The following ANKS1B variants were observed in gnomAD, a reference collection of about 807,000 sequenced individuals.
ANKS1B encodes the protein ankyrin repeat and sterile alpha motif domain-containing protein 1B.
ANKS1B carries 36 observed loss-of-function variants against 148.3 expected under a neutral mutation model. The observed-to-expected ratio is 0.24, with a 90% confidence interval of 0.19 to 0.32. The LOEUF is 0.32. Ranked by LOEUF, ANKS1B falls within the 10% of genes least tolerant of loss-of-function variation. The pLI, the probability that ANKS1B is intolerant of heterozygous loss-of-function variation, is 1.00. For synonymous variants in ANKS1B, 542 were observed against 560.8 expected, an observed-to-expected ratio of 0.97 and a Z score of 0.47; for missense variants, 1,157 against 1,542.6, an observed-to-expected ratio of 0.75 and a Z score of 4.19.
At chr12:99,384,254 C>A (rs1455142278) in intron 12 of ANKS1B, among the ~76,000 whole-genome samples, 4 of 152,160 alleles carry the variant, frequency 2.6e-5, no homozygotes, top group African/African-American at 9.7e-5. Flanking sequence ...CTAGTCCAGG[C>A]TCTTCCACTA....
intron 4 of ANKS1B, among the ~76,000 whole-genome samples, chr12:99,785,695 AG>A (rs1333587128): frequency 6.6e-6 from 1 of 152,174 alleles, no homozygotes; most frequent in Non-Finnish European, 1.5e-5. Flanking sequence ...AGCCTCCCAA[AG>A]TGCTGGGATC....
chr12:99,818,614 C>G (rs930943739), intron 2 of ANKS1B, among the ~76,000 whole-genome samples: 3 of 151,466 alleles, frequency 2.0e-5, no homozygotes, highest in African/African-American at 7.3e-5. Flanking sequence ...AATCCTAAAG[C>G]AAATGTGGTT....
intron 1 of ANKS1B, among the ~76,000 whole-genome samples, chr12:99,920,470 A>C (rs2094317342): frequency 6.6e-6 from 1 of 152,082 alleles, no homozygotes; most frequent in Non-Finnish European, 1.5e-5. Flanking sequence ...TGAATTAGTC[A>C]AGGTTCTCCA....
chr12:99,134,219 CT>C (rs1231541256), intron 15 of ANKS1B, among the ~76,000 whole-genome samples: 1 of 152,054 alleles, frequency 6.6e-6, no homozygotes, highest in Non-Finnish European at 1.5e-5. Flanking sequence ...ATTGGTTTAT[CT>C]TTTTTCTCCT....
At chr12:98,871,626 C>T (rs2099669511) in intron 17 of ANKS1B, among the ~76,000 whole-genome samples, 1 of 151,942 alleles carries the variant, frequency 6.6e-6, no homozygotes, top group Admixed American at 6.6e-5. Flanking sequence ...CAAAGTCTTT[C>T]ATATTTAACA....
At chr12:99,146,975 G>C (rs1357686038) in intron 15 of ANKS1B, among the ~76,000 whole-genome samples, 3 of 152,178 alleles carry the variant, frequency 2.0e-5, no homozygotes, top group Non-Finnish European at 4.4e-5. Flanking sequence ...TCTATGTACT[G>C]GCTATGGCTG....
At chr12:99,280,158 G>GT (rs2078209571) in intron 12 of ANKS1B, among the ~76,000 whole-genome samples, 1 of 148,158 alleles carries the variant, frequency 6.7e-6, no homozygotes, top group Non-Finnish European at 1.5e-5. Context: ...AATAGAGTCT[G>GT]TGTGTGTGTG....
chr12:99,451,032 T>C (rs563237877), intron 10 of ANKS1B, among the ~76,000 whole-genome samples: 18 of 152,312 alleles, frequency 1.2e-4, no homozygotes, highest in African/African-American at 4.3e-4. Flanking sequence ...AAGACAGTTT[T>C]ACATGCTCAA....
intron 12 of ANKS1B, among the ~76,000 whole-genome samples, chr12:99,287,013 TTGC>T (rs2079218225): frequency 6.6e-6 from 1 of 152,150 alleles, no homozygotes; most frequent in South Asian, 2.1e-4. Flanking sequence ...CTGGCTACAT[TTGC>T]TGCCTGCTGA....
At chr12:99,215,497 A>C (rs2084019632) in intron 14 of ANKS1B, among the ~76,000 whole-genome samples, 1 of 152,226 alleles carries the variant, frequency 6.6e-6, no homozygotes, top group Non-Finnish European at 1.5e-5. Context: ...CCAGCCTGTG[A>C]AAGCAGCTGG....
chr12:99,011,981 G>C (rs1006338698), intron 17 of ANKS1B, among the ~76,000 whole-genome samples: 1 of 152,184 alleles, frequency 6.6e-6, no homozygotes, highest in Admixed American at 6.5e-5. Flanking sequence ...TTGTATCACT[G>C]ATGTGGATGG....
At chr12:99,394,078 G>T (rs1593856318) in intron 12 of ANKS1B, among the ~76,000 whole-genome samples, 1 of 152,162 alleles carries the variant, frequency 6.6e-6, no homozygotes, top group South Asian at 2.1e-4. Flanking sequence ...ATGCTGCCAG[G>T]TGATCACATC....
intron 1 of ANKS1B, among the ~76,000 whole-genome samples, chr12:99,927,073 T>C (rs762087056): frequency 4.3e-4 from 66 of 152,184 alleles, no homozygotes; most frequent in Non-Finnish European, 8.7e-4. Context: ...AGAGAGTTGA[T>C]TGAAGTCCCT....
intron 14 of ANKS1B, among the ~76,000 whole-genome samples, chr12:99,240,617 C>G (rs2089104483): frequency 1.3e-5 from 2 of 152,024 alleles, no homozygotes; most frequent in South Asian, 4.1e-4. Flanking sequence ...CCACATCCCA[C>G]TTATTCTAAA....
chr12:99,014,188 G>A (rs889490318), intron 17 of ANKS1B, among the ~76,000 whole-genome samples: 5 of 151,998 alleles, frequency 3.3e-5, no homozygotes, highest in South Asian at 4.1e-4. Context: ...GAGACCAATG[G>A]AACAGAACAG....
chr12:99,665,138 G>A (rs918557798), intron 8 of ANKS1B, among the ~76,000 whole-genome samples: 18 of 152,094 alleles, frequency 1.2e-4, no homozygotes, highest in African/African-American at 4.1e-4. Context: ...GGTAAATATC[G>A]AAAATGCTAG....
At chr12:99,218,976 T>C (rs1015049941) in intron 14 of ANKS1B, among the ~76,000 whole-genome samples, 1 of 152,206 alleles carries the variant, frequency 6.6e-6, no homozygotes, top group African/African-American at 2.4e-5. Flanking sequence ...TATGAAACCA[T>C]GCTATTTAGC....
intron 9 of ANKS1B, among the ~76,000 whole-genome samples, chr12:99,581,734 CA>C (rs1156976488): frequency 3.3e-5 from 5 of 150,188 alleles, no homozygotes; most frequent in Non-Finnish European, 7.4e-5. Context: ...ACTAAAAATA[CA>C]AAAAAATTAG....
chr12:98,986,270 C>T lies in ANKS1B; in HGVS notation c.2778+66887G>A, dbSNP rs189442810. 1.8e-3 allele frequency among the ~76,000 whole-genome samples: 278 copies of T among 152,002 alleles called. 1 individual carries two copies. The highest frequency in any genetic ancestry group is 6.3e-3 in the African/African-American group (262 of 41,468). On this transcript the variant is annotated intron_variant, in intron 17 of 26. Transcript: ENST00000683438. ...TATCTTTATTAATTTTAGAAATTCT[C>T]AGTCATTACCTGTTCAGGCATTTCT...
Sources: allele counts gnomAD v4.1 joint callset (sites outside exome capture counted in the v4.1 genomes callset), GRCh38; gene constraint gnomAD v4.1.1; transcripts MANE v1.5; gene names NCBI Gene and HGNC (gene_info 2026-07-23, HGNC 2026-07-21).